The following DOCK8 variants were observed in gnomAD, a reference collection of about 807,000 sequenced individuals.
DOCK8 encodes the protein dedicator of cytokinesis protein 8.
A neutral mutation model predicts 245.6 loss-of-function variants in DOCK8; 141 were observed. The ratio of observed to expected loss-of-function variants is 0.57; its 90% CI spans 0.50 to 0.66. DOCK8 has a LOEUF of 0.66. Among genes scored for constraint, DOCK8 ranks in the 30% least tolerant of loss-of-function variants. The pLI is 0.00. For missense variants in DOCK8, 2,965 were observed against 2,603.4 expected (o/e 1.14, Z -3.02); for synonymous variants, 1,168 against 970.2 (o/e 1.20, Z -3.79).
chr9:313,543 T>C (rs1165107667), intron 6 of DOCK8, among the ~76,000 whole-genome samples: 2 of 152,218 alleles, frequency 1.3e-5, no homozygotes, highest in Non-Finnish European at 2.9e-5. Flanking sequence ...ATCTCACTTA[T>C]ATATAGAATC....
intron 7 of DOCK8, among the ~76,000 whole-genome samples, chr9:319,164 C>A (rs1264409657): frequency 6.6e-6 from 1 of 151,544 alleles, no homozygotes. Context: ...AATTTTTAGC[C>A]CTAGCTACAT....
intron 28 of DOCK8, among the ~76,000 whole-genome samples, chr9:409,937 G>A (rs532665823): frequency 6.6e-6 from 1 of 152,172 alleles, no homozygotes; most frequent in African/African-American, 2.4e-5. Flanking sequence ...TCTTAATCCA[G>A]TCTACCATTG....
At chr9:400,030 A>C (rs886893268) in intron 26 of DOCK8, among the ~76,000 whole-genome samples, 1 of 84,006 alleles carries the variant, frequency 1.2e-5, no homozygotes, top group Admixed American at 1.3e-4. Flanking sequence ...CACCTCCACC[A>C]TCACCACCAC....
intron 1 of DOCK8, among the ~76,000 whole-genome samples, chr9:241,899 C>T (rs13291850): frequency 0.042 from 6,446 of 152,210 alleles, 157 homozygotes; most frequent in Non-Finnish European, 0.063. Context: ...CAGAGGTGAG[C>T]CACAGCACCT....
chr9:438,958 T>C (rs2056994740), intron 39 of DOCK8, among the ~76,000 whole-genome samples: 1 of 152,208 alleles, frequency 6.6e-6, no homozygotes. Context: ...CTTAGGGTTG[T>C]TTCACTAAAG....
At chr9:371,597 TGCA>T in intron 17 of DOCK8, 31 bp downstream of exon 17, 1 of 1,613,896 alleles carries the variant, frequency 6.2e-7, no homozygotes, top group Non-Finnish European at 8.5e-7. Flanking sequence ...TGACTCACAC[TGCA>T]GTTGTTGGTG....
intron 2 of DOCK8, among the ~76,000 whole-genome samples, chr9:283,468 T>A (rs1339770589): frequency 2.6e-5 from 4 of 152,194 alleles, no homozygotes; most frequent in African/African-American, 7.2e-5. Context: ...TGCATAGTGG[T>A]AAAGTCTGGA....
chr9:228,440 T>A (rs1315768202), intron 1 of DOCK8, among the ~76,000 whole-genome samples: 4 of 152,162 alleles, frequency 2.6e-5, no homozygotes, highest in African/African-American at 9.7e-5. Flanking sequence ...CAGAACATGG[T>A]ACTGTTTAAA....
In DOCK8 at chr9:376,243, G is replaced by C; in HGVS notation, c.2143G>C (p.Ala715Pro). ...ATTACAGAATCCTCCCATTAAGTGG[G>C]CTGAAGGACATAAGGGAGTATTTAA... ...VPLQNPPIKWAEGHKGVFNIE... is the reference protein window; with the variant it reads ...VPLQNPPIKWPEGHKGVFNIE... Residue 715 changes from alanine to proline, a missense_variant, in exon 19 of 48, where the codon GCT becomes CCT. Physicochemically the swap from Ala to Pro is conservative, Grantham distance 27. Transcript: ENST00000432829. 6.2e-7 allele frequency: 1 copy of C among 1,613,350 alleles called. No homozygotes were observed. Among genetic ancestry groups the C allele is most frequent in the Non-Finnish European group, 8.5e-7 (1 of 1,179,400 alleles).
chr9:408,386 C>A (rs1029903677), intron 28 of DOCK8, among the ~76,000 whole-genome samples: 23 of 152,194 alleles, frequency 1.5e-4, no homozygotes, highest in Admixed American at 1.5e-3. Context: ...AATTCTGCCT[C>A]CTTCCAGATA....
chr9:359,736 A>G (rs1196877979), intron 14 of DOCK8, among the ~76,000 whole-genome samples: 1 of 151,288 alleles, frequency 6.6e-6, no homozygotes, highest in Admixed American at 6.6e-5. Flanking sequence ...TTTGAATGAC[A>G]GCATCTTTGT....
chr9:318,865 A>C (rs865996912), intron 7 of DOCK8, among the ~76,000 whole-genome samples: 7 of 152,346 alleles, frequency 4.6e-5, no homozygotes, highest in Middle Eastern at 6.8e-3. Flanking sequence ...TGCAGCGACT[A>C]TGTCATTTGA....
intron 10 of DOCK8, among the ~76,000 whole-genome samples, chr9:333,621 T>G (rs1288516452): frequency 1.3e-5 from 2 of 151,950 alleles, no homozygotes; most frequent in African/African-American, 4.8e-5. Context: ...AAAAATAGCC[T>G]TTCTGGAATA....
chr9:326,710 C>T (rs1300509478), intron 8 of DOCK8, among the ~76,000 whole-genome samples: 1 of 152,188 alleles, frequency 6.6e-6, no homozygotes, highest in East Asian at 1.9e-4. Context: ...GGCAGTGGCT[C>T]CTCCATCTTC....
rs140433134 is a variant in DOCK8 at position 265,767 on chromosome 9, C to T, written c.54-5860C>T. Among the ~76,000 whole-genome samples the T allele has an allele frequency of 4.6e-5, 7 of 152,190 alleles. No individual in the cohort carries two copies. The East Asian group carries it at 9.7e-4, about 21-fold the overall frequency. On this transcript the variant is annotated intron_variant, in intron 1 of 47. Coordinates refer to ENST00000432829, the MANE Select transcript of DOCK8 (RefSeq NM_203447.4). ...TCCTAGCACAGCTGCTGGAGTAGCT[C>T]GTGGTGCTGATTGATCTGCTTGGAG... is the stretch of plus-strand genomic sequence containing the variant.
Position 415,846 on chromosome 9 carries a change from C to T in DOCK8, c.3700+895C>T, listed in dbSNP as rs550436520. Among the ~76,000 whole-genome samples the T allele has an allele frequency of 3.7e-3, 559 of 152,302 alleles. 5 individuals carry two copies. Among genetic ancestry groups the T allele is most frequent in the African/African-American group, 0.012 (509 of 41,562 alleles). ...TTCCCTGAGCCAGCCTCTTTATAGT[C>T]AGTCATCCTTGAAATCTTGGAACCA... On this transcript the variant is annotated intron_variant, in intron 29 of 47. Transcript: ENST00000432829.
intron 4 of DOCK8, among the ~76,000 whole-genome samples, chr9:300,805 T>C (rs2049508569): frequency 6.6e-6 from 1 of 152,090 alleles, no homozygotes; most frequent in Non-Finnish European, 1.5e-5. Flanking sequence ...AGGAAGAAAT[T>C]GAAATCTTGA....
intron 1 of DOCK8, among the ~76,000 whole-genome samples, chr9:248,049 T>C (rs1398657428): frequency 1.3e-5 from 2 of 151,766 alleles, no homozygotes; most frequent in Admixed American, 6.6e-5. Context: ...AACTTTAATA[T>C]GTCCGAGGAA....
chr9:286,614 C>T lies in DOCK8; in HGVS notation c.310C>T (p.Gln104Ter). ...CACGCCAAAGGAATGTAGGACTTTGCAGCCCTCTTTGCCGGAGGAAGGGTA... is the reference window on the plus strand; with the variant it reads ...CACGCCAAAGGAATGTAGGACTTTGTAGCCCTCTTTGCCGGAGGAAGGGTA... ...VFTPKECRTL[Q>*]PSLPEEGVEL... is the part of the protein sequence containing the mutation. The change falls in exon 3 of 48, where the codon CAG (glutamine) becomes TAG (stop). Residue 104 changes from glutamine to a stop codon, truncating the protein, a stop_gained. Transcript: ENST00000432829. LOFTEE classifies it high-confidence loss of function. The T allele has an allele frequency of 6.2e-7, 1 of 1,613,914 alleles. No homozygotes were observed. The highest frequency in any genetic ancestry group is 8.5e-7 in the Non-Finnish European group (1 of 1,179,872).
Sources: allele counts gnomAD v4.1 joint callset (sites outside exome capture counted in the v4.1 genomes callset), GRCh38; gene constraint gnomAD v4.1.1; transcripts MANE v1.5; gene names NCBI Gene and HGNC (gene_info 2026-07-23, HGNC 2026-07-21).